TDRD9: variants seen among roughly 807,000 people sequenced by gnomAD.
TDRD9 encodes the protein tudor domain containing 9.
Under a neutral mutation model 172.6 loss-of-function variants are expected in TDRD9, and 124 were observed. The observed-to-expected ratio is 0.72, with a 90% confidence interval of 0.62 to 0.83. The LOEUF is 0.83. Ranked by LOEUF, TDRD9 falls within the 40% of genes least tolerant of loss-of-function variation. The probability of loss-of-function intolerance (pLI) is 0.00; values close to 1 mark genes in which losing one functional copy is unlikely to be tolerated. For synonymous variants in TDRD9, 619 were observed against 617.1 expected (o/e 1.00, Z -0.05); for missense variants, 1,479 against 1,714.1 (o/e 0.86, Z 2.42).
chr14:103,985,095 A>C (rs4906396), intron 7 of TDRD9, among the ~76,000 whole-genome samples: 51,482 of 151,968 alleles, frequency 0.34, 8,900 homozygotes, highest in Middle Eastern at 0.37. Flanking sequence ...GGAAGTAACT[A>C]ATTTGCTTTG....
At position 103,969,721 on chromosome 14, in the gene TDRD9, G is replaced by A. The variant is rs1037648232; in HGVS notation, c.766-820G>A. Among the ~76,000 whole-genome samples, 5 of 150,192 alleles carry A rather than the reference G, an allele frequency of 3.3e-5. 1 individual carries two copies. The highest frequency in any genetic ancestry group is 7.4e-5 in the Non-Finnish European group (5 of 67,890). On this transcript the variant is annotated intron_variant, in intron 5 of 35. Transcript: ENST00000409874. ...AAATGTCCCAGAATAGAATCTTACC[G>A]TCCCCTTGTACATTGATGTTTCCTA...
At chr14:104,029,966 G>T (rs1310986610) in intron 28 of TDRD9, among the ~76,000 whole-genome samples, 2 of 152,130 alleles carry the variant, frequency 1.3e-5, no homozygotes, top group African/African-American at 4.8e-5. Context: ...CATGTTGAAG[G>T]TCTTTTACTT....
chr14:103,937,253 C>T (rs998967892), intron 1 of TDRD9, among the ~76,000 whole-genome samples: 1 of 152,192 alleles, frequency 6.6e-6, no homozygotes, highest in Non-Finnish European at 1.5e-5. Flanking sequence ...ATCTCCTTGT[C>T]TGCTGCTCTC....
intron 15 of TDRD9, among the ~76,000 whole-genome samples, chr14:104,005,992 C>A (rs1347246883): frequency 3.9e-5 from 6 of 152,078 alleles, no homozygotes. Flanking sequence ...AAATATGATA[C>A]CTCCTTGGGT....
intron 28 of TDRD9, 113 bp from the exon 29 acceptor site, chr14:104,030,995 T>C: frequency 1.0e-6 from 1 of 992,474 alleles, no homozygotes; most frequent in South Asian, 1.6e-5. Context: ...AAAATAAAAA[T>C]TAATGACATA....
intron 4 of TDRD9, among the ~76,000 whole-genome samples, chr14:103,966,166 A>C (rs1048897246): frequency 1.3e-5 from 2 of 151,966 alleles, no homozygotes; most frequent in Non-Finnish European, 2.9e-5. Flanking sequence ...CCCCCTCTCT[A>C]CTAAAAATAC....
intron 7 of TDRD9, among the ~76,000 whole-genome samples, chr14:103,976,633 C>T (rs1258138757): frequency 4.6e-5 from 7 of 152,152 alleles, no homozygotes; most frequent in Non-Finnish European, 7.3e-5. Context: ...CTGCAGTAAA[C>T]GTGAGAGTGG....
At chr14:103,988,418 C>T (rs755134418) in intron 8 of TDRD9, among the ~76,000 whole-genome samples, 66 of 152,176 alleles carry the variant, frequency 4.3e-4, no homozygotes, top group African/African-American at 1.5e-3. Flanking sequence ...GTGATGCGCC[C>T]GCCTCGGCCT....
At chr14:103,933,254 T>C (rs1250689718) in intron 1 of TDRD9, among the ~76,000 whole-genome samples, 1 of 152,254 alleles carries the variant, frequency 6.6e-6, no homozygotes, top group Non-Finnish European at 1.5e-5. Flanking sequence ...TTCTCCAGTG[T>C]GTAGCACCAG....
At chr14:104,027,123 A>G (rs1277982407) in intron 28 of TDRD9, among the ~76,000 whole-genome samples, 184 bp downstream of exon 28, 5 of 152,204 alleles carry the variant, frequency 3.3e-5, no homozygotes, top group Non-Finnish European at 2.9e-5. Flanking sequence ...CTCTGAGACT[A>G]AAGTATGGTG....
At position 104,034,822 on chromosome 14, in the gene TDRD9, T is replaced by C. The variant is rs1004190880; in HGVS notation, c.3620-138T>C. On this transcript the variant is annotated intron_variant, in intron 31 of 35. Transcript: ENST00000409874. Reference sequence around the variant, plus strand: ...AGAGAACAGGGAGTGTGCGTTACTATTGGGGTGGGCCTGTGGGGACTGGAC... The same window carrying C: ...AGAGAACAGGGAGTGTGCGTTACTACTGGGGTGGGCCTGTGGGGACTGGAC... 10 of 616,636 alleles carry C rather than the reference T, an allele frequency of 1.6e-5. No individual in the cohort carries two copies. In the Admixed American group the frequency reaches 2.1e-4, roughly 13 times the overall value. 38.2% of individuals were successfully genotyped at this position (616,636 alleles called of 1,614,324 possible). A position where few individuals can be genotyped will look rare whatever the true frequency, so the allele number is the denominator to read the frequency against.
intron 6 of TDRD9, among the ~76,000 whole-genome samples, chr14:103,972,232 G>T (rs999585805): frequency 6.6e-6 from 1 of 152,042 alleles, no homozygotes; most frequent in Non-Finnish European, 1.5e-5. Flanking sequence ...GCTTGAAGCC[G>T]GGAAGCGGAG....
chr14:103,941,078 C>A lies in TDRD9; in HGVS notation c.215+12354C>A, dbSNP rs1032645745. ...TAGACTATTTCCCATGGCAGTACAT[C>A]ATTTTCTGCCAAAACTTCTCGAAAT... On this transcript the variant is annotated intron_variant, in intron 1 of 35. Transcript: ENST00000409874. The A allele has an allele frequency of 1.9e-5, 29 of 1,533,962 alleles. No homozygotes were observed. The African/African-American group carries it at 3.4e-4, about 18-fold the overall frequency.
At chr14:103,975,812 T>A (rs1041379308) in intron 7 of TDRD9, among the ~76,000 whole-genome samples, 5 of 152,228 alleles carry the variant, frequency 3.3e-5, no homozygotes, top group Non-Finnish European at 5.9e-5. Flanking sequence ...TTTATCTTTG[T>A]GGTGGGAACA....
intron 34 of TDRD9, among the ~76,000 whole-genome samples, chr14:104,048,449 C>T (rs776430797): frequency 4.6e-5 from 7 of 152,060 alleles, no homozygotes; most frequent in African/African-American, 9.7e-5. Context: ...GCCTGGCTTC[C>T]TAGGTGTTGT....
Position 103,966,771 on chromosome 14 carries a change from G to A in TDRD9, c.705G>A (p.Leu235=), listed in dbSNP as rs1212911594. ...TRLIYMTTGV[L]LQKIVSAKSL... ...TAATTTATATGACAACTGGAGTCCT[G>A]CTTCAGAAAATAGTTAGTGCCAAGA... The change falls in exon 5 of 36, where the codon CTG becomes CTA. Residue 235 remains leucine, a synonymous_variant. Transcript: ENST00000409874. 6.4e-7 allele frequency: 1 copy of A among 1,550,924 alleles called. No individual in the cohort carries two copies. Among genetic ancestry groups the A allele is most frequent in the Non-Finnish European group, 8.7e-7 (1 of 1,146,718 alleles).
chr14:104,004,092 T>A, intron 13 of TDRD9, 146 bp from the exon 14 acceptor site: 4 of 453,642 alleles, frequency 8.8e-6, no homozygotes, highest in Non-Finnish European at 1.6e-5. Context: ...TACACTAATG[T>A]ATTCTAAAGT....
rs1485985099 is a variant in TDRD9, at chr14:103,949,277, C to T, written c.216-6387C>T. 4.6e-5 allele frequency among the ~76,000 whole-genome samples: 7 copies of T among 152,164 alleles called. No individual in the cohort carries two copies. The East Asian group carries it at 1.3e-3, about 29-fold the overall frequency. On this transcript the variant is annotated intron_variant, in intron 1 of 35. Coordinates refer to ENST00000409874, the MANE Select transcript of TDRD9 (RefSeq NM_153046.3). ...GTCATGAATAGCATTTTAATGACCT[C>T]TTGGCTCACATAAGCAAACAACAGG...
At position 103,970,887 on chromosome 14, in the gene TDRD9, T is replaced by C. The variant is rs149689700; in HGVS notation, c.846+266T>C. Reference sequence around the variant, plus strand: ...GTAAATGCCATGTAAATAGTTGCTATACTCTATTTTTTAAATTTGTATTTT... The same window carrying C: ...GTAAATGCCATGTAAATAGTTGCTACACTCTATTTTTTAAATTTGTATTTT... On this transcript the variant is annotated intron_variant, in intron 6 of 35. Transcript: ENST00000409874. 2.0e-3 allele frequency among the ~76,000 whole-genome samples: 306 copies of C among 152,374 alleles called. 3 individuals carry two copies. Among genetic ancestry groups the C allele is most frequent in the Admixed American group, 0.018 (273 of 15,312 alleles).
Sources: allele counts gnomAD v4.1 joint callset (sites outside exome capture counted in the v4.1 genomes callset), GRCh38; gene constraint gnomAD v4.1.1; transcripts MANE v1.5; gene names NCBI Gene and HGNC (gene_info 2026-07-23, HGNC 2026-07-21).